Variants in SPG11 observed in about 807,000 individuals in gnomAD.
SPG11 encodes spatacsin.
A neutral mutation model predicts 274.0 loss-of-function variants in SPG11; 222 were observed. The ratio of observed to expected loss-of-function variants is 0.81; its 90% CI spans 0.73 to 0.91. The LOEUF (loss-of-function observed/expected upper bound fraction) is 0.91, where lower values mean the gene tolerates loss of function less well. Ranked by LOEUF, SPG11 falls within the 40% of genes least tolerant of loss-of-function variation. The probability of loss-of-function intolerance (pLI) is 0.00; values close to 1 mark genes in which losing one functional copy is unlikely to be tolerated. For synonymous variants in SPG11, 1,144 were observed against 1,039.7 expected (o/e 1.10, Z -1.93); for missense variants, 3,114 against 2,872.7 (o/e 1.08, Z -1.92).
chr15:44,630,679 AAG>A (rs1187359943), intron 8 of SPG11, among the ~76,000 whole-genome samples: 2 of 152,118 alleles, frequency 1.3e-5, no homozygotes, highest in Admixed American at 1.3e-4. Context: ...TCCTCCCTTC[AAG>A]CGATTCTCCT....
chr15:44,625,092 C>G (rs1352219790), intron 11 of SPG11, among the ~76,000 whole-genome samples: 2 of 151,050 alleles, frequency 1.3e-5, no homozygotes, highest in African/African-American at 4.9e-5. Context: ...CAAGATCGCA[C>G]CATTGCACTG....
chr15:44,589,745 AAATT>A lies in SPG11; in HGVS notation c.4744-335_4744-332del, dbSNP rs550482216. On this transcript the variant is annotated intron_variant, in intron 27 of 39. Coordinates refer to ENST00000261866, the MANE Select transcript of SPG11 (RefSeq NM_025137.4). The stretch of plus-strand genomic sequence containing the variant: ...AAAATATTCCTACTTAGTGACTGTC[AAATT>A]AATAGCCCTTTGAGTCACTGTAAAA... Among the ~76,000 whole-genome samples the A allele has an allele frequency of 4.4e-3, 674 of 152,356 alleles. 2 individuals are homozygous for A. Among genetic ancestry groups the A allele is most frequent in the South Asian group, 5.6e-3 (27 of 4,832 alleles).
chr15:44,630,934 A>G (rs1364345843), intron 8 of SPG11, among the ~76,000 whole-genome samples: 1 of 152,118 alleles, frequency 6.6e-6, no homozygotes, highest in Non-Finnish European at 1.5e-5. Flanking sequence ...TTTAGGAAGA[A>G]AAAAAAGAAA....
chr15:44,608,858 T>C (rs2083388200), intron 18 of SPG11, among the ~76,000 whole-genome samples: 1 of 152,174 alleles, frequency 6.6e-6, no homozygotes, highest in Non-Finnish European at 1.5e-5. Flanking sequence ...TTCAGCTAGA[T>C]CAGTGATTTT....
rs144136303 is a variant in SPG11 at position 44,571,472 on chromosome 15, G to T, written c.6344-814C>A. ...ACTGGACCGAGAAGAGATAGAGAAG[G>T]CTATTTTTATTTAAATTTCTTTTCT... On this transcript the variant is annotated intron_variant, in intron 33 of 39. Transcript: ENST00000261866. Among the ~76,000 whole-genome samples the T allele has an allele frequency of 5.3e-5, 8 of 151,510 alleles. No individual in the cohort carries two copies. In the East Asian group the frequency reaches 1.4e-3, roughly 26 times the overall value.
chr15:44,613,655 T>C (rs565831674), intron 16 of SPG11, 119 bp from the exon 17 acceptor site: 1 of 673,580 alleles, frequency 1.5e-6, no homozygotes, highest in East Asian at 2.9e-5. Context: ...AAAAAGTAAA[T>C]ATAACACAAA....
intron 21 of SPG11, among the ~76,000 whole-genome samples, chr15:44,599,979 T>G (rs1321209382): frequency 6.6e-6 from 1 of 152,192 alleles, no homozygotes; most frequent in East Asian, 1.9e-4. Flanking sequence ...CCGCATGCAT[T>G]AGGTATTTGT....
At chr15:44,638,429 C>G (rs560480314) in intron 7 of SPG11, among the ~76,000 whole-genome samples, 9 of 151,764 alleles carry the variant, frequency 5.9e-5, no homozygotes, top group Admixed American at 5.9e-4. Flanking sequence ...CACCTGCACT[C>G]CAGCCTGGGC....
At position 44,652,120 on chromosome 15, in the gene SPG11, T is replaced by C. The variant is rs767375545; in HGVS notation, c.1007+9A>G. 1 of 1,614,046 alleles carries C rather than the reference T, an allele frequency of 6.2e-7. No homozygotes were observed. Among genetic ancestry groups the C allele is most frequent in the Non-Finnish European group, 8.5e-7 (1 of 1,179,978 alleles). ...AACAATAAACTACATGAAAAGGAAG[T>C]TTCTGTACCTATCAATTTGGAAGGA... is the stretch of plus-strand genomic sequence containing the variant. On this transcript the variant is annotated intron_variant, in intron 5 of 39. Coordinates refer to ENST00000261866, the MANE Select transcript of SPG11 (RefSeq NM_025137.4).
intron 30 of SPG11, among the ~76,000 whole-genome samples, chr15:44,581,275 T>C (rs2082654010): frequency 6.6e-6 from 1 of 152,086 alleles, no homozygotes; most frequent in African/African-American, 2.4e-5. Context: ...GGCATGAACA[T>C]GGCTCACTGC....
chr15:44,610,867 T>G lies in SPG11; in HGVS notation c.3264A>C (p.Thr1088=). ...GACTGACACCCCCAGGAGAATACAT[T>G]GTAGTAGCAAGGGCCAGGAGGGTAT... is the stretch of plus-strand genomic sequence containing the variant. ...EGHTLLALAT[T]MYSPGGVSQV... Residue 1088 remains threonine, a synonymous_variant, in exon 18 of 40, where the codon ACA becomes ACC. Coordinates refer to ENST00000261866, the MANE Select transcript of SPG11 (RefSeq NM_025137.4). 6.2e-7 allele frequency: 1 copy of G among 1,613,908 alleles called. No homozygotes were observed. Among genetic ancestry groups the G allele is most frequent in the East Asian group, 2.2e-5 (1 of 44,868 alleles).
In SPG11 at chr15:44,651,712, G is replaced by A. The variant is rs312262723; in HGVS notation, c.1235C>T (p.Ser412Leu). The A allele has an allele frequency of 6.2e-7, 1 of 1,614,172 alleles. No individual in the cohort carries two copies. Among genetic ancestry groups the A allele is most frequent in the Non-Finnish European group, 8.5e-7 (1 of 1,180,024 alleles). The change falls in exon 6 of 40, where the codon TCA becomes TTA. Residue 412 changes from serine (S) to leucine (L), a missense_variant. By Grantham distance (145) the Ser-to-Leu change is moderately radical. Transcript: ENST00000261866. ...TTCACTGATGTGCATTATTTTCCAT[G>A]ATCTTCCTGGATCACTGGTCTTGGC... ...DHAKTSDPGR[S>L]WKIMHISEQE...
intron 20 of SPG11, among the ~76,000 whole-genome samples, chr15:44,604,547 C>T (rs1418202247): frequency 2.6e-5 from 4 of 152,082 alleles, no homozygotes; most frequent in African/African-American, 9.7e-5. Flanking sequence ...GCCAAGTCAC[C>T]ACACAGTGTT....
chr15:44,628,086 C>G (rs893581760), intron 10 of SPG11, among the ~76,000 whole-genome samples: 2 of 152,146 alleles, frequency 1.3e-5, no homozygotes, highest in Non-Finnish European at 2.9e-5. Context: ...TACCAATACC[C>G]TCCAGTGGAT....
rs995103375 is a variant in SPG11 at position 44,636,471 on chromosome 15, C to T, written c.1603-2834G>A. 5.3e-5 allele frequency among the ~76,000 whole-genome samples: 8 copies of T among 150,160 alleles called. No individual in the cohort carries two copies. The South Asian group carries it at 1.7e-3, about 31-fold the overall frequency. ...TAAAACAAATGTGGTTTCATCCTGG[C>T]TACCATGGTGAAACCCCGTCTCTAC... On this transcript the variant is annotated intron_variant, in intron 7 of 39. Coordinates refer to ENST00000261866, the MANE Select transcript of SPG11 (RefSeq NM_025137.4).
intron 20 of SPG11, among the ~76,000 whole-genome samples, chr15:44,603,415 T>C (rs1389374995): frequency 6.6e-6 from 1 of 152,094 alleles, no homozygotes; most frequent in Admixed American, 6.5e-5. Context: ...TTTAGAACAT[T>C]TTTCCCTCTA....
chr15:44,595,510 G>C (rs1339678141), intron 25 of SPG11, 51 bp from the exon 26 acceptor site: 2 of 1,537,942 alleles, frequency 1.3e-6, no homozygotes, highest in Admixed American at 3.4e-5. Context: ...CCTGGCAAAT[G>C]TACAAATACT....
At position 44,659,131 on chromosome 15, in the gene SPG11, G is replaced by A. The variant is rs960735514; in HGVS notation, c.615C>T (p.Asp205=). The part of the protein sequence containing the change: ...LPAQAVDMII[D]TQLCRGILFV... Reference sequence around the variant, plus strand: ...AAAGAATTCCTCTGCAGAGCTGCGTGTCAATAATCATGTCCACTGCCTGTG... The same window carrying A: ...AAAGAATTCCTCTGCAGAGCTGCGTATCAATAATCATGTCCACTGCCTGTG... Residue 205 remains aspartate (D), a synonymous_variant, in exon 3 of 40, where the codon GAC becomes GAT. Coordinates refer to ENST00000261866, the MANE Select transcript of SPG11 (RefSeq NM_025137.4). 1 of 1,614,110 alleles carries A rather than the reference G, an allele frequency of 6.2e-7. No homozygotes were observed.
At chr15:44,641,768 A>T (rs1379739384) in intron 7 of SPG11, among the ~76,000 whole-genome samples, 1 of 152,054 alleles carries the variant, frequency 6.6e-6, no homozygotes, top group East Asian at 1.9e-4. Context: ...GAGAGCATAA[A>T]CTGATAAAAC....
Sources: allele counts gnomAD v4.1 joint callset (sites outside exome capture counted in the v4.1 genomes callset), GRCh38; gene constraint gnomAD v4.1.1; transcripts MANE v1.5; gene names NCBI Gene and HGNC (gene_info 2026-07-23, HGNC 2026-07-21).